The following OSBP variants were observed in gnomAD, a reference collection of about 807,000 sequenced individuals.
The protein encoded by OSBP is oxysterol binding protein.
In OSBP, 32 loss-of-function variants were observed where a neutral mutation model predicts 96.6. The ratio of observed to expected loss-of-function variants is 0.33; its 90% CI spans 0.25 to 0.45. OSBP has a LOEUF of 0.45. OSBP is among the 20% of genes least tolerant of loss of function. The pLI is 1.00. For synonymous variants in OSBP, 369 were observed against 389.6 expected, an observed-to-expected ratio of 0.95 and a Z score of 0.62; for missense variants, 653 against 1,029.7, an observed-to-expected ratio of 0.63 and a Z score of 5.01.
rs1860831033 is a variant in OSBP, at chr11:59,610,541, G to A, written c.411C>T (p.Ala137=). The A allele has an allele frequency of 6.2e-7, 1 of 1,614,158 alleles. No homozygotes were observed. The highest frequency in any genetic ancestry group is 1.6e-4 in the Middle Eastern group (1 of 6,062). The change falls in exon 2 of 14, where the codon GCC becomes GCT. Residue 137 remains alanine (A), a synonymous_variant. Transcript: ENST00000263847. ...AGTCCTCCACGGTGATGTTGGCTGT[G>A]GCGAGGTTGATGGTACCACGGCAGG... ...RHTCRGTINL[A]TANITVEDSC...
intron 9 of OSBP, among the ~76,000 whole-genome samples, chr11:59,585,487 C>G (rs369641707): frequency 2.6e-5 from 4 of 151,832 alleles, no homozygotes; most frequent in East Asian, 2.0e-4. Flanking sequence ...GCAGCCACCC[C>G]GTCTGGGAAG....
chr11:59,584,480 T>A lies in OSBP; in HGVS notation c.1679-2926A>T, dbSNP rs183720876. Reference sequence around the variant, plus strand: ...ATTTATTCCTGGAATGCAAGGATGGTTGAACACATAAAAACTGGTAAATGC... The same window carrying A: ...ATTTATTCCTGGAATGCAAGGATGGATGAACACATAAAAACTGGTAAATGC... On this transcript the variant is annotated intron_variant, in intron 9 of 13. Transcript: ENST00000263847. Among the ~76,000 whole-genome samples, 204 of 152,250 alleles carry A rather than the reference T, an allele frequency of 1.3e-3. 1 individual carries two copies. Among genetic ancestry groups the A allele is most frequent in the African/African-American group, 4.6e-3 (192 of 41,552 alleles).
chr11:59,614,006 G>C (rs548076493), intron 1 of OSBP, among the ~76,000 whole-genome samples: 20 of 152,280 alleles, frequency 1.3e-4, no homozygotes, highest in Non-Finnish European at 2.1e-4. Context: ...TTCAACATCA[G>C]TGTTTTGGGT....
intron 11 of OSBP, among the ~76,000 whole-genome samples, chr11:59,578,617 G>A (rs1018796248): frequency 6.6e-6 from 1 of 152,126 alleles, no homozygotes; most frequent in Admixed American, 6.6e-5. Context: ...ATCTGGCTAA[G>A]TCTTTAATTT....
intron 3 of OSBP, among the ~76,000 whole-genome samples, chr11:59,604,290 T>C (rs532138674): frequency 6.6e-6 from 1 of 152,280 alleles, no homozygotes; most frequent in South Asian, 2.1e-4. Context: ...GTAGCTCACG[T>C]ATGTAAAACA....
rs1860919760 is a variant in OSBP, at chr11:59,615,690, G to A, written c.-26C>T. The A allele has an allele frequency of 7.8e-7, 1 of 1,287,824 alleles. No homozygotes were observed. The highest frequency in any genetic ancestry group is 2.4e-5 in the South Asian group (1 of 41,668). The allele number at this position is 1,287,824 out of a possible 1,614,324, so 79.8% of individuals were successfully genotyped here. ...GAGCCGCCGCCGCCTGGAGATACAAGACCGGAACCGCCTACGAGAGCCGCC... is the reference window on the plus strand; with the variant it reads ...GAGCCGCCGCCGCCTGGAGATACAAAACCGGAACCGCCTACGAGAGCCGCC... On this transcript the variant is annotated 5_prime_UTR_variant, in exon 1 of 14. Transcript: ENST00000263847.
At chr11:59,585,170 C>T (rs1410241847) in intron 9 of OSBP, among the ~76,000 whole-genome samples, 1 of 151,532 alleles carries the variant, frequency 6.6e-6, no homozygotes, top group Non-Finnish European at 1.5e-5. Flanking sequence ...TGCCCGGCCG[C>T]CATCCCATCT....
chr11:59,601,367 T>TC lies in OSBP; in HGVS notation c.1039_1040insG (p.Lys347ArgfsTer7), dbSNP rs1860722329. On this transcript the variant is annotated frameshift_variant, in exon 5 of 14. Coordinates refer to ENST00000263847, the MANE Select transcript of OSBP (RefSeq NM_002556.3). LOFTEE classifies it high-confidence loss of function. ...ATCATCTTCATCGCTCATGTCCCCTTTGCCAGAGCAGCACTGATCTACAAG... is the reference window on the plus strand; with the variant it reads ...ATCATCTTCATCGCTCATGTCCCCTTCTGCCAGAGCAGCACTGATCTACAAG... The TC allele has an allele frequency of 6.2e-7, 1 of 1,611,824 alleles. No homozygotes were observed. The highest frequency in any genetic ancestry group is 1.3e-5 in the African/African-American group (1 of 74,894).
chr11:59,596,880 C>T (rs777137358), intron 7 of OSBP, among the ~76,000 whole-genome samples: 2 of 152,048 alleles, frequency 1.3e-5, no homozygotes, highest in Non-Finnish European at 2.9e-5. Flanking sequence ...CCAGTAGCCA[C>T]GGAAGCCTGA....
chr11:59,613,915 G>A (rs1860886078), intron 1 of OSBP, among the ~76,000 whole-genome samples: 1 of 152,158 alleles, frequency 6.6e-6, no homozygotes, highest in Admixed American at 6.5e-5. Context: ...GGAGTTGATG[G>A]AAAAGAGACT....
At chr11:59,588,261 T>C (rs1590670106) in intron 9 of OSBP, among the ~76,000 whole-genome samples, 3 of 152,278 alleles carry the variant, frequency 2.0e-5, no homozygotes, top group African/African-American at 2.4e-5. Context: ...TGGCTGGGTG[T>C]GGTGGCTCAT....
chr11:59,598,349 T>C (rs1860682361), intron 7 of OSBP, among the ~76,000 whole-genome samples: 1 of 152,160 alleles, frequency 6.6e-6, no homozygotes, highest in South Asian at 2.1e-4. Flanking sequence ...GTAGGGAGAA[T>C]GCCTTCTGTA....
intron 10 of OSBP, among the ~76,000 whole-genome samples, chr11:59,581,048 G>A (rs888067597): frequency 6.6e-6 from 1 of 152,122 alleles, no homozygotes; most frequent in African/African-American, 2.4e-5. Context: ...CTACACATTG[G>A]TCATGTATCT....
intron 2 of OSBP, 70 bp downstream of exon 2, chr11:59,610,311 T>G: frequency 1.5e-6 from 2 of 1,309,264 alleles, no homozygotes; most frequent in Admixed American, 3.4e-5. Context: ...AGCATAATGA[T>G]GACAAACAAA....
chr11:59,595,351 T>C (rs988645149), intron 7 of OSBP, among the ~76,000 whole-genome samples: 1 of 152,012 alleles, frequency 6.6e-6, no homozygotes, highest in Admixed American at 6.6e-5. Flanking sequence ...TAGTGAATGG[T>C]TCTGGCCTTA....
chr11:59,603,997 A>G (rs908446798), intron 3 of OSBP, among the ~76,000 whole-genome samples: 7 of 152,200 alleles, frequency 4.6e-5, no homozygotes, highest in Non-Finnish European at 8.8e-5. Context: ...AAAAATCTGT[A>G]CATGTCTTTC....
At chr11:59,580,065 G>T in intron 11 of OSBP, 109 bp downstream of exon 11, 1 of 776,370 alleles carries the variant, frequency 1.3e-6, no homozygotes, top group Non-Finnish European at 2.3e-6. Flanking sequence ...TATATAAAAT[G>T]TACACACCCC....
chr11:59,615,659 C>A lies in OSBP; in HGVS notation c.6G>T (p.Ala2=). 1 of 1,337,210 alleles carries A rather than the reference C, an allele frequency of 7.5e-7. No homozygotes were observed. The allele number at this position is 1,337,210 out of a possible 1,614,324, so 82.8% of individuals were successfully genotyped here. Residue 2 remains alanine, a synonymous_variant, in exon 1 of 14, where the codon GCG becomes GCT. Coordinates refer to ENST00000263847, the MANE Select transcript of OSBP (RefSeq NM_002556.3). ...CCACCACTCCTCTCAGCTCCGTCGC[C>A]GCCATGAGCCGCCGCCGCCTGGAGA... M[A]ATELRGVVGP... is the part of the protein sequence containing the mutation.
At chr11:59,593,847 C>A in intron 8 of OSBP, 123 bp from the exon 9 acceptor site, 1 of 1,435,370 alleles carries the variant, frequency 7.0e-7, no homozygotes, top group South Asian at 1.3e-5. Context: ...GTAGGTGAAT[C>A]CCAGAACCTC....
Sources: gnomAD v4.1 joint callset for allele counts (sites outside exome capture counted in the v4.1 genomes callset) on GRCh38, gnomAD v4.1.1 for gene constraint, MANE v1.5 for transcripts, NCBI Gene and HGNC (gene_info 2026-07-23, HGNC 2026-07-21) for gene names.